Variants in TMEM178B observed in about 807,000 individuals in gnomAD.
TMEM178B encodes transmembrane protein 178B.
TMEM178B carries 5 observed loss-of-function variants against 31.0 expected under a neutral mutation model. The observed-to-expected ratio is 0.16, with a 90% CI of 0.08 to 0.34. The LOEUF (loss-of-function observed/expected upper bound fraction) is 0.34. TMEM178B is among the 10% of genes least tolerant of loss of function. TMEM178B has a pLI of 1.00. For missense variants in TMEM178B, 275 were observed against 400.3 expected (o/e 0.69, Z 2.67); for synonymous variants, 164 against 164.0 (o/e 1.00, Z 0.00).
rs371533497 is a variant in TMEM178B at position 141,301,588 on chromosome 7, G to A, written c.496+88884G>A. On this transcript the variant is annotated intron_variant, in intron 2 of 3. Coordinates refer to ENST00000565468, the MANE Select transcript of TMEM178B (RefSeq NM_001195278.2). The stretch of plus-strand genomic sequence containing the variant: ...GGGGACTTAAATTTAGATCGTTCCT[G>A]TTGTGCCTGGTTTTCCAATCTCGAG... 1.3e-4 allele frequency among the ~76,000 whole-genome samples: 20 copies of A among 152,270 alleles called. No individual in the cohort carries two copies. The South Asian group carries it at 3.9e-3, about 30-fold the overall frequency.
chr7:141,295,142 T>A (rs1230452233), intron 2 of TMEM178B, among the ~76,000 whole-genome samples: 2 of 152,168 alleles, frequency 1.3e-5, no homozygotes, highest in Non-Finnish European at 2.9e-5. Context: ...ATGACAGATG[T>A]CTGCACCTGC....
intron 2 of TMEM178B, among the ~76,000 whole-genome samples, chr7:141,311,873 C>T (rs1012577031): frequency 6.6e-6 from 1 of 152,110 alleles, no homozygotes; most frequent in Non-Finnish European, 1.5e-5. Context: ...AAAATGGCAC[C>T]TGAATGGAAC....
At chr7:141,367,175 T>C (rs1800024288) in intron 2 of TMEM178B, among the ~76,000 whole-genome samples, 1 of 152,102 alleles carries the variant, frequency 6.6e-6, no homozygotes, top group Non-Finnish European at 1.5e-5. Context: ...GAAGGGACTC[T>C]TTCTGTCCTT....
chr7:141,478,788 A>G lies in TMEM178B; in HGVS notation c.*8002A>G, dbSNP rs1162684856. 6.6e-6 allele frequency: 1 copy of G among 152,062 alleles called. No individual in the cohort carries two copies. Among genetic ancestry groups the G allele is most frequent in the East Asian group, 1.9e-4 (1 of 5,190 alleles). 9.4% of individuals were successfully genotyped at this position (152,062 alleles called of 1,614,324 possible). Reference sequence around the variant, plus strand: ...CAGTGTTCAATAGCCACACCTGACTACTGGTTGCTGTATAGGACAGCACGG... The same window carrying G: ...CAGTGTTCAATAGCCACACCTGACTGCTGGTTGCTGTATAGGACAGCACGG... On this transcript the variant is annotated 3_prime_UTR_variant, in exon 4 of 4. Transcript: ENST00000565468.
At chr7:141,199,130 G>A (rs1237784040) in intron 1 of TMEM178B, among the ~76,000 whole-genome samples, 1 of 152,148 alleles carries the variant, frequency 6.6e-6, no homozygotes. Flanking sequence ...TTGTGAAGAA[G>A]CGGCTATGTA....
rs1802312877 is a variant in TMEM178B, at chr7:141,474,178, T to C, written c.*3392T>C. 1 of 152,218 alleles carries C rather than the reference T, an allele frequency of 6.6e-6. No homozygotes were observed. The highest frequency in any genetic ancestry group is 1.5e-5 in the Non-Finnish European group (1 of 68,044). 9.4% of individuals were successfully genotyped at this position (152,218 alleles called of 1,614,324 possible). ...CCATTGCAACTTTTATTTCCTTCCC[T>C]ACTCTACTACCTTGAGATTCAGGAA... On this transcript the variant is annotated 3_prime_UTR_variant, in exon 4 of 4. Transcript: ENST00000565468.
intron 2 of TMEM178B, among the ~76,000 whole-genome samples, chr7:141,246,743 G>A (rs1184706882): frequency 3.3e-5 from 5 of 152,072 alleles, no homozygotes; most frequent in Admixed American, 6.6e-5. Flanking sequence ...GTAGAGAAAC[G>A]AAGGATGAGA....
At chr7:141,193,040 T>C (rs1052934419) in intron 1 of TMEM178B, among the ~76,000 whole-genome samples, 1 of 152,236 alleles carries the variant, frequency 6.6e-6, no homozygotes, top group Non-Finnish European at 1.5e-5. Context: ...ATTGTTCCAC[T>C]CTGGCCATGG....
chr7:141,081,621 AGTG>A (rs1563082593), intron 1 of TMEM178B, among the ~76,000 whole-genome samples: 4 of 151,904 alleles, frequency 2.6e-5, no homozygotes, highest in Non-Finnish European at 4.4e-5. Context: ...GGGTAACAAT[AGTG>A]AAACTCCATC....
At chr7:141,079,089 C>T (rs1794643295) in intron 1 of TMEM178B, among the ~76,000 whole-genome samples, 1 of 152,176 alleles carries the variant, frequency 6.6e-6, no homozygotes, top group Non-Finnish European at 1.5e-5. Flanking sequence ...GAGTTCGAGA[C>T]CAGCCTCGCC....
intron 1 of TMEM178B, among the ~76,000 whole-genome samples, chr7:141,161,344 G>A (rs550015077): frequency 9.2e-5 from 14 of 152,090 alleles, no homozygotes; most frequent in African/African-American, 3.4e-4. Context: ...TCTGAGCCAC[G>A]GGGCTGCAGA....
At chr7:141,235,299 T>C (rs551362954) in intron 2 of TMEM178B, among the ~76,000 whole-genome samples, 15 of 152,306 alleles carry the variant, frequency 9.8e-5, no homozygotes, top group African/African-American at 3.6e-4. Context: ...TGAAGAATCA[T>C]TTCTGTGCCT....
intron 2 of TMEM178B, among the ~76,000 whole-genome samples, chr7:141,322,451 C>G (rs1799117480): frequency 6.6e-6 from 1 of 152,068 alleles, no homozygotes; most frequent in African/African-American, 2.4e-5. Flanking sequence ...AGGAGAATCC[C>G]TTGATCCCGG....
intron 1 of TMEM178B, among the ~76,000 whole-genome samples, chr7:141,179,994 G>A (rs1031647915): frequency 1.3e-5 from 2 of 152,082 alleles, no homozygotes; most frequent in Non-Finnish European, 2.9e-5. Flanking sequence ...CCTCCATCAC[G>A]TCTTCCATCT....
chr7:141,408,234 C>G (rs990550874), intron 2 of TMEM178B, among the ~76,000 whole-genome samples: 1 of 152,064 alleles, frequency 6.6e-6, no homozygotes, highest in Non-Finnish European at 1.5e-5. Context: ...AGAGCTAGTC[C>G]AGGAATGTCT....
intron 2 of TMEM178B, among the ~76,000 whole-genome samples, chr7:141,365,797 C>T (rs755439584): frequency 2.6e-5 from 4 of 152,198 alleles, no homozygotes; most frequent in Non-Finnish European, 4.4e-5. Context: ...AGTATGACCT[C>T]GTCTTACCTG....
At position 141,080,734 on chromosome 7, in the gene TMEM178B, CAAGT is replaced by C. The variant is rs554419041; in HGVS notation, c.382+6046_382+6049del. Among the ~76,000 whole-genome samples, 156 of 152,276 alleles carry C rather than the reference CAAGT, an allele frequency of 1.0e-3. 1 individual carries two copies. Among genetic ancestry groups the C allele is most frequent in the African/African-American group, 3.5e-3 (147 of 41,560 alleles). ...TACGAAGCGCAAAGGGGAAGAATGA[CAAGT>C]AAGGCAAAAATGAAATGCAGTCATG... On this transcript the variant is annotated intron_variant, in intron 1 of 3. Transcript: ENST00000565468.
At chr7:141,272,850 T>C (rs1798207092) in intron 2 of TMEM178B, among the ~76,000 whole-genome samples, 1 of 152,244 alleles carries the variant, frequency 6.6e-6, no homozygotes, top group Non-Finnish European at 1.5e-5. Flanking sequence ...TACCGTTCTA[T>C]CTAGCAATCA....
At chr7:141,481,035 G>A (rs993950812), downstream of TMEM178B, among the ~76,000 whole-genome samples, 1 of 152,208 alleles carries the variant, frequency 6.6e-6, no homozygotes, top group African/African-American at 2.4e-5. Context: ...AAGAAGAAAC[G>A]CGTGGCTGAG....
Sources: allele counts gnomAD v4.1 joint callset (sites outside exome capture counted in the v4.1 genomes callset), GRCh38; gene constraint gnomAD v4.1.1; transcripts MANE v1.5; gene names NCBI Gene and HGNC (gene_info 2026-07-23, HGNC 2026-07-21).